Variants in PDE4B observed in about 807,000 individuals in gnomAD.
The protein encoded by PDE4B is phosphodiesterase 4B, also known as 3',5'-cyclic-AMP phosphodiesterase 4B.
Under a neutral mutation model 82.2 loss-of-function variants are expected in PDE4B, and 20 were observed. The observed-to-expected ratio is 0.24, with a 90% CI of 0.17 to 0.35. PDE4B has a LOEUF of 0.35. Ranked by LOEUF, PDE4B falls within the 10% of genes least tolerant of loss-of-function variation. The pLI is 1.00. For missense variants in PDE4B, 655 were observed against 907.2 expected, an observed-to-expected ratio of 0.72 and a Z score of 3.57; for synonymous variants, 320 against 318.9, an observed-to-expected ratio of 1.00 and a Z score of -0.04.
intron 3 of PDE4B, among the ~76,000 whole-genome samples, chr1:66,220,331 C>G (rs76623995): frequency 0.012 from 1,770 of 152,236 alleles, 30 homozygotes; most frequent in Non-Finnish European, 0.013. Context: ...CACCTCCCTT[C>G]CATTAGAGCG....
At chr1:66,351,980 C>T (rs1043654364) in intron 8 of PDE4B, among the ~76,000 whole-genome samples, 9 of 152,294 alleles carry the variant, frequency 5.9e-5, no homozygotes, top group Admixed American at 2.0e-4. Context: ...CTTCCACCCC[C>T]CGCCGTCTGC....
At chr1:66,105,529 G>A (rs1225697318) in intron 3 of PDE4B, among the ~76,000 whole-genome samples, 1 of 152,136 alleles carries the variant, frequency 6.6e-6, no homozygotes, top group African/African-American at 2.4e-5. Flanking sequence ...ATTACCTTGG[G>A]CAGTATAGCC....
At chr1:66,191,595 C>T (rs939564294) in intron 3 of PDE4B, among the ~76,000 whole-genome samples, 2 of 152,046 alleles carry the variant, frequency 1.3e-5, no homozygotes, top group Non-Finnish European at 2.9e-5. Context: ...ATGTGTCTGC[C>T]TTTTTGTCAA....
intron 1 of PDE4B, among the ~76,000 whole-genome samples, chr1:65,848,899 T>C (rs1422101436): frequency 2.6e-5 from 4 of 152,128 alleles, no homozygotes; most frequent in Admixed American, 2.6e-4. Flanking sequence ...TCTCTTGGTA[T>C]ATCAGTCAGG....
chr1:66,105,979 G>A (rs576275775), intron 3 of PDE4B, among the ~76,000 whole-genome samples: 2 of 152,026 alleles, frequency 1.3e-5, no homozygotes, highest in Admixed American at 1.3e-4. Context: ...ACACTATGTT[G>A]AATAGGAGTG....
intron 3 of PDE4B, among the ~76,000 whole-genome samples, chr1:66,013,551 G>A (rs554405715): frequency 5.3e-5 from 8 of 151,986 alleles, no homozygotes; most frequent in South Asian, 2.1e-4. Flanking sequence ...GTAGTGTTAC[G>A]TAATTCACAT....
chr1:65,879,759 A>G (rs1220765482), intron 1 of PDE4B, among the ~76,000 whole-genome samples: 1 of 152,206 alleles, frequency 6.6e-6, no homozygotes, highest in African/African-American at 2.4e-5. Flanking sequence ...ATAATTGTTC[A>G]CTGCATGAGC....
At chr1:65,929,521 T>C (rs1223594904) in intron 3 of PDE4B, among the ~76,000 whole-genome samples, 1 of 152,204 alleles carries the variant, frequency 6.6e-6, no homozygotes, top group Admixed American at 6.5e-5. Flanking sequence ...AGTTTGTGCC[T>C]GTTTTTCCAT....
rs200479855 is a variant in PDE4B at position 66,361,568 on chromosome 1, T to C, written c.842-47T>C. 3.1e-5 allele frequency: 45 copies of C among 1,474,780 alleles called. No individual in the cohort carries two copies. In the African/African-American group the frequency reaches 5.1e-4, roughly 17 times the overall value. The allele number at this position is 1,474,780 out of a possible 1,614,324, so 91.4% of individuals were successfully genotyped here. A position where few individuals can be genotyped will look rare whatever the true frequency, so the allele number is the denominator to read the frequency against. ...AGTTGTTTTGAATATTGCAGTGGAT[T>C]CTCATAGACACATGTGCTGAAAAAC... is the stretch of plus-strand genomic sequence containing the variant. On this transcript the variant is annotated intron_variant, in intron 9 of 16. Coordinates refer to ENST00000341517, the MANE Select transcript of PDE4B (RefSeq NM_002600.4).
At chr1:65,900,900 G>A (rs559281105) in intron 1 of PDE4B, among the ~76,000 whole-genome samples, 17 of 152,006 alleles carry the variant, frequency 1.1e-4, no homozygotes, top group South Asian at 4.1e-4. Flanking sequence ...TATTGTCAGC[G>A]AAGATAGACA....
At chr1:66,008,453 G>A (rs1191561431) in intron 3 of PDE4B, among the ~76,000 whole-genome samples, 1 of 152,004 alleles carries the variant, frequency 6.6e-6, no homozygotes, top group Non-Finnish European at 1.5e-5. Context: ...CATTATATCA[G>A]TACTCACCCA....
intron 7 of PDE4B, among the ~76,000 whole-genome samples, chr1:66,286,528 C>T (rs181971046): frequency 6.6e-6 from 1 of 152,252 alleles, no homozygotes; most frequent in East Asian, 1.9e-4. Context: ...TTCCCCAAAA[C>T]AAACAAGACA....
At chr1:66,168,018 T>C (rs561025151) in intron 3 of PDE4B, among the ~76,000 whole-genome samples, 15 of 152,208 alleles carry the variant, frequency 9.9e-5, no homozygotes, top group Non-Finnish European at 1.6e-4. Context: ...AGCCTTTTCC[T>C]GTAAGAGAGT....
intron 7 of PDE4B, 188 bp from the exon 8 acceptor site, chr1:66,332,320 C>T: frequency 6.3e-7 from 1 of 1,579,310 alleles, no homozygotes; most frequent in Non-Finnish European, 8.6e-7. Context: ...CCAGCCATCC[C>T]AGGCAGAGCA....
chr1:66,333,599 T>C (rs1045593575), intron 8 of PDE4B, among the ~76,000 whole-genome samples: 2 of 152,182 alleles, frequency 1.3e-5, no homozygotes, highest in African/African-American at 4.8e-5. Flanking sequence ...GCTGAGAAGA[T>C]ATTTTGCTCC....
intron 8 of PDE4B, among the ~76,000 whole-genome samples, chr1:66,344,586 A>T (rs1661249850): frequency 1.3e-5 from 2 of 152,214 alleles, no homozygotes; most frequent in Non-Finnish European, 1.5e-5. Context: ...AGGGCCTTTA[A>T]TACAGTGCTA....
At chr1:66,058,869 A>T (rs1005498583) in intron 3 of PDE4B, among the ~76,000 whole-genome samples, 1 of 152,152 alleles carries the variant, frequency 6.6e-6, no homozygotes, top group Non-Finnish European at 1.5e-5. Flanking sequence ...TGTCTTGGGG[A>T]TTAACATTTG....
At chr1:66,168,843 T>C (rs1646785732) in intron 3 of PDE4B, among the ~76,000 whole-genome samples, 1 of 152,234 alleles carries the variant, frequency 6.6e-6, no homozygotes, top group Admixed American at 6.5e-5. Flanking sequence ...GTATTATTTT[T>C]TACACCTGTT....
intron 16 of PDE4B, among the ~76,000 whole-genome samples, chr1:66,371,094 CTATATATATATATATATATATATATA>C (rs557320202): frequency 9.4e-5 from 7 of 74,840 alleles, no homozygotes; most frequent in Admixed American, 5.2e-4. Context: ...ACACATCATA[CTATATATATATATATATATATATATA>C]TATATATATA....
Sources: allele counts gnomAD v4.1 joint callset (sites outside exome capture counted in the v4.1 genomes callset), GRCh38; gene constraint gnomAD v4.1.1; transcripts MANE v1.5; gene names NCBI Gene and HGNC (gene_info 2026-07-23, HGNC 2026-07-21).